HRH2: variants seen among roughly 807,000 people sequenced by gnomAD.
The protein encoded by HRH2 is histamine receptor H2, also known as histamine H2 receptor.
HRH2 carries 4 observed loss-of-function variants against 20.1 expected under a neutral mutation model. The observed-to-expected ratio is 0.20, with a 90% CI of 0.10 to 0.45. The LOEUF (loss-of-function observed/expected upper bound fraction) is 0.45, where lower values mean the gene tolerates loss of function less well. HRH2 is among the 20% of genes least tolerant of loss of function. The probability of loss-of-function intolerance (pLI) is 0.99; values close to 1 mark genes in which losing one functional copy is unlikely to be tolerated. For synonymous variants in HRH2, 197 were observed against 200.7 expected (o/e 0.98, Z 0.16); for missense variants, 250 against 461.6 (o/e 0.54, Z 4.20).
chr5:175,659,650 A>G (rs998254480), intron 1 of HRH2, among the ~76,000 whole-genome samples: 8 of 152,190 alleles, frequency 5.3e-5, no homozygotes, highest in African/African-American at 1.2e-4. Flanking sequence ...GACTGGAACC[A>G]GGTCTGCCCG....
intron 2 of HRH2, among the ~76,000 whole-genome samples, chr5:175,706,859 G>A (rs951322023): frequency 3.3e-5 from 5 of 152,204 alleles, no homozygotes; most frequent in Non-Finnish European, 7.3e-5. Flanking sequence ...AAGGCATGAC[G>A]GTTCCCTTCC....
At chr5:175,699,562 G>GTTTTTTTTGTTT (rs147937231) in intron 2 of HRH2, among the ~76,000 whole-genome samples, 13,820 of 151,992 alleles carry the variant, frequency 0.091, 1,990 homozygotes, top group African/African-American at 0.3. Flanking sequence ...TCTGCTGTCG[G>GTTTTTTTTGTTT]TTGTTTTTGT....
At chr5:175,692,629 A>G (rs1756425649) in intron 2 of HRH2, among the ~76,000 whole-genome samples, 1 of 152,228 alleles carries the variant, frequency 6.6e-6, no homozygotes, top group Non-Finnish European at 1.5e-5. Flanking sequence ...CCCATTTGCC[A>G]AGGAGCAGCT....
At chr5:175,675,754 T>C (rs948461034) in intron 1 of HRH2, among the ~76,000 whole-genome samples, 1 of 152,230 alleles carries the variant, frequency 6.6e-6, no homozygotes, top group African/African-American at 2.4e-5. Context: ...TTGTTCCCTC[T>C]GCTCAGCATA....
intron 1 of HRH2, among the ~76,000 whole-genome samples, chr5:175,673,126 C>T (rs541045063): frequency 4.6e-5 from 7 of 152,252 alleles, no homozygotes; most frequent in South Asian, 4.1e-4. Context: ...GTGATTCAAG[C>T]GCCAGCAGCA....
rs188349884 is a variant in HRH2 at position 175,682,179 on chromosome 5, G to A, written c.-525-530G>A. 5.9e-5 allele frequency among the ~76,000 whole-genome samples: 9 copies of A among 152,360 alleles called. No individual in the cohort carries two copies. The East Asian group carries it at 1.2e-3, about 20-fold the overall frequency. Reference sequence around the variant, plus strand: ...GCCGTCACAGGCTGTGAGGCAGAACGTGTTTATTACCTGACCCTTTTCTGA... The same window carrying A: ...GCCGTCACAGGCTGTGAGGCAGAACATGTTTATTACCTGACCCTTTTCTGA... On this transcript the variant is annotated intron_variant, in intron 1 of 2. Coordinates refer to ENST00000636584, the MANE Select transcript of HRH2 (RefSeq NM_001367711.1).
rs1438273125 is a variant in HRH2, at chr5:175,677,523, T to TATCGGGGCAGCCACTCTGGGCTTGGA, written c.-525-5185_-525-5160dup. Among the ~76,000 whole-genome samples the TATCGGGGCAGCCACTCTGGGCTTGGA allele has an allele frequency of 3.3e-5, 5 of 152,198 alleles. No homozygotes were observed. The highest frequency in any genetic ancestry group is 7.3e-5 in the Non-Finnish European group (5 of 68,042). On this transcript the variant is annotated intron_variant, in intron 1 of 2. Transcript: ENST00000636584. The surrounding 1 kb of genome is among the most constrained non-coding windows in gnomAD (Gnocchi z 4.2). ...TGAAGCCACGTTGGTCCGCAGCTCG[T>TATCGGGGCAGCCACTCTGGGCTTGGA]ATCGGGGCAGCCACTCTGGGCTTGG... is the stretch of plus-strand genomic sequence containing the variant.
rs569121874 is a variant in HRH2 at position 175,687,128 on chromosome 5, G to A, written c.1076+2819G>A. Among the ~76,000 whole-genome samples, 60 of 152,328 alleles carry A rather than the reference G, an allele frequency of 3.9e-4. No homozygotes were observed. Among genetic ancestry groups the A allele is most frequent in the African/African-American group, 1.4e-3 (60 of 41,572 alleles). On this transcript the variant is annotated intron_variant, in intron 2 of 2. Transcript: ENST00000636584. This position sits in a 1 kb window ranked among gnomAD's most constrained non-coding sequence, Gnocchi z 5.2. ...TCCAGCCCCCAGGAGCAGGGGCAGA[G>A]GGCTTTGGCAGAGAAGGGTGGGGGA...
chr5:175,690,559 C>G (rs921221185), intron 2 of HRH2, among the ~76,000 whole-genome samples: 16 of 151,450 alleles, frequency 1.1e-4, no homozygotes, highest in African/African-American at 3.7e-4. Context: ...GCCTGCCTGC[C>G]TTTTTCTTTC....
chr5:175,666,919 G>A (rs1183626778), intron 1 of HRH2, among the ~76,000 whole-genome samples: 2 of 152,038 alleles, frequency 1.3e-5, no homozygotes, highest in African/African-American at 4.8e-5. Context: ...CTGCACCCTG[G>A]CCACCGTCTG....
intron 1 of HRH2, among the ~76,000 whole-genome samples, chr5:175,676,649 A>G (rs1284751533): frequency 6.6e-6 from 1 of 152,242 alleles, no homozygotes; most frequent in African/African-American, 2.4e-5. Flanking sequence ...ACGTACATAG[A>G]TTGCATAGTG....
At chr5:175,685,753 G>A in intron 2 of HRH2, 1 of 544,242 alleles carries the variant, frequency 1.8e-6, no homozygotes, top group Non-Finnish European at 3.3e-6. Context: ...TGAGCGAAGG[G>A]ACATGAACAT....
chr5:175,683,072 G>A lies in HRH2; in HGVS notation c.-162G>A. 1 of 829,054 alleles carries A rather than the reference G, an allele frequency of 1.2e-6. No homozygotes were observed. 51.4% of individuals were successfully genotyped at this position (829,054 alleles called of 1,614,324 possible). On this transcript the variant is annotated 5_prime_UTR_variant, in exon 2 of 3. Coordinates refer to ENST00000636584, the MANE Select transcript of HRH2 (RefSeq NM_001367711.1). ...AAGCAGCCCAGAGTCAGTCATTGAA[G>A]CCTTCCCCACCCCCTGGCCAAAAAA...
At chr5:175,662,388 T>A (rs1053514528) in intron 1 of HRH2, among the ~76,000 whole-genome samples, 3 of 152,090 alleles carry the variant, frequency 2.0e-5, no homozygotes, top group African/African-American at 7.2e-5. Context: ...CTACTAAACT[T>A]CCCACAATAC....
rs532244674 is a variant in HRH2, at chr5:175,664,834, C to T, written c.-526+6679C>T. 1.6e-4 allele frequency among the ~76,000 whole-genome samples: 24 copies of T among 152,214 alleles called. 1 individual carries two copies. In the Middle Eastern group the frequency reaches 0.02, roughly 129 times the overall value. On this transcript the variant is annotated intron_variant, in intron 1 of 2. Transcript: ENST00000636584. ...TTTTTTCTTTGTAGAGGCAGGGGCT[C>T]GCTATGTTGCCCAGGCTGGTCTCAA...
At position 175,677,258 on chromosome 5, in the gene HRH2, G is replaced by A. The variant is rs1475427732; in HGVS notation, c.-525-5451G>A. Among the ~76,000 whole-genome samples the A allele has an allele frequency of 6.6e-6, 1 of 152,198 alleles. No homozygotes were observed. The highest frequency in any genetic ancestry group is 1.5e-5 in the Non-Finnish European group (1 of 68,040). On this transcript the variant is annotated intron_variant, in intron 1 of 2. Transcript: ENST00000636584. This position sits in a 1 kb window ranked among gnomAD's most constrained non-coding sequence, Gnocchi z 4.2. ...CCCACCTCAGCCTCCCAAAATGCTGGGACTGCAGGTGTGAATCACTGCGCC... is the reference window on the plus strand; with the variant it reads ...CCCACCTCAGCCTCCCAAAATGCTGAGACTGCAGGTGTGAATCACTGCGCC...
At chr5:175,691,923 A>G (rs368889864) in intron 2 of HRH2, among the ~76,000 whole-genome samples, 11 of 152,120 alleles carry the variant, frequency 7.2e-5, no homozygotes, top group Admixed American at 2.6e-4. Context: ...CAAGTGAGGA[A>G]AAGGCCCTTC....
intron 1 of HRH2, among the ~76,000 whole-genome samples, chr5:175,679,790 AGT>A (rs1430954208): frequency 6.6e-6 from 1 of 152,196 alleles, no homozygotes; most frequent in Non-Finnish European, 1.5e-5. Flanking sequence ...CGGTTGCCTG[AGT>A]GTCTGTGAAA....
chr5:175,701,355 T>C (rs1221267226), intron 2 of HRH2, among the ~76,000 whole-genome samples: 1 of 152,168 alleles, frequency 6.6e-6, no homozygotes, highest in African/African-American at 2.4e-5. Context: ...GGATGGGGTT[T>C]GGGAGATAGG....
Sources: allele counts gnomAD v4.1 joint callset (sites outside exome capture counted in the v4.1 genomes callset), GRCh38; gene constraint gnomAD v4.1.1; non-coding constraint Gnocchi (gnomAD v3.1); transcripts MANE v1.5; gene names NCBI Gene and HGNC (gene_info 2026-07-23, HGNC 2026-07-21).